Variants in PTPRD observed in about 807,000 individuals in gnomAD.
PTPRD encodes the protein protein tyrosine phosphatase receptor type D.
In PTPRD, 34 loss-of-function variants were observed where a neutral mutation model predicts 214.5. That is an observed-to-expected ratio of 0.16 (90% CI 0.12 to 0.21). The LOEUF (loss-of-function observed/expected upper bound fraction) is 0.21, where lower values mean the gene tolerates loss of function less well. PTPRD is among the 10% of genes least tolerant of loss of function. The pLI, the probability that PTPRD is intolerant of heterozygous loss-of-function variation, is 1.00. For synonymous variants in PTPRD, 1,128 were observed against 845.7 expected, an observed-to-expected ratio of 1.33 and a Z score of -5.79; for missense variants, 2,545 against 2,398.7, an observed-to-expected ratio of 1.06 and a Z score of -1.27.
intron 11 of PTPRD, among the ~76,000 whole-genome samples, chr9:8,862,471 G>C (rs573424682): frequency 6.6e-6 from 1 of 152,156 alleles, no homozygotes; most frequent in Non-Finnish European, 1.5e-5. Flanking sequence ...TAGTTCTATG[G>C]ATTCTACCAG....
intron 7 of PTPRD, among the ~76,000 whole-genome samples, chr9:9,584,727 T>C (rs967024133): frequency 6.6e-6 from 1 of 151,972 alleles, no homozygotes; most frequent in Non-Finnish European, 1.5e-5. Flanking sequence ...TGAATTACCA[T>C]GCACCCTTTA....
In PTPRD at chr9:8,341,274, G is replaced by C. The variant is rs1430230963; in HGVS notation, c.4948-6C>G. On this transcript the variant is annotated splice_polypyrimidine_tract_variant and splice_region_variant and intron_variant, in intron 40 of 45. Transcript: ENST00000381196. ...GCTTTTGAGCTGGCTAGACGCTGTT[G>C]AATAGGAAAAAAAAAAAAGGAAAAA... The C allele has an allele frequency of 1.3e-6, 2 of 1,548,988 alleles. No homozygotes were observed. Among genetic ancestry groups the C allele is most frequent in the Non-Finnish European group, 1.7e-6 (2 of 1,152,450 alleles).
intron 2 of PTPRD, among the ~76,000 whole-genome samples, chr9:10,536,045 T>G (rs142187523): frequency 7.3e-4 from 111 of 152,250 alleles, no homozygotes; most frequent in African/African-American, 2.5e-3. Flanking sequence ...AGCAAACCTC[T>G]TACAGCGGAA....
chr9:9,166,754 G>C (rs797014764), intron 10 of PTPRD, among the ~76,000 whole-genome samples: 5 of 152,116 alleles, frequency 3.3e-5, no homozygotes, highest in African/African-American at 1.2e-4. Flanking sequence ...TGTAAGTTTG[G>C]AGAAGGAGGG....
At chr9:9,543,271 A>G (rs1302275189) in intron 8 of PTPRD, among the ~76,000 whole-genome samples, 1 of 151,682 alleles carries the variant, frequency 6.6e-6, no homozygotes, top group African/African-American at 2.4e-5. Flanking sequence ...TGGGGATGCT[A>G]TTCAGAAAAT....
chr9:10,138,590 A>G (rs1315585512), intron 3 of PTPRD, among the ~76,000 whole-genome samples: 1 of 152,038 alleles, frequency 6.6e-6, no homozygotes, highest in Non-Finnish European at 1.5e-5. Context: ...CTGAAACCAA[A>G]ATCTCACAGA....
At chr9:9,590,127 C>G (rs1371266440) in intron 7 of PTPRD, among the ~76,000 whole-genome samples, 1 of 151,906 alleles carries the variant, frequency 6.6e-6, no homozygotes, top group Non-Finnish European at 1.5e-5. Context: ...CACATTATGC[C>G]CATCACTTAC....
chr9:10,231,353 G>T (rs1056786370), intron 3 of PTPRD, among the ~76,000 whole-genome samples: 2 of 151,844 alleles, frequency 1.3e-5, no homozygotes, highest in Non-Finnish European at 2.9e-5. Context: ...AAAATGGAAG[G>T]GTTTGCAGGA....
chr9:9,658,318 C>G (rs1019605100), intron 7 of PTPRD, among the ~76,000 whole-genome samples: 2 of 152,134 alleles, frequency 1.3e-5, no homozygotes, highest in Admixed American at 6.5e-5. Flanking sequence ...TTATATCCTA[C>G]CCATTTATCT....
chr9:9,945,891 A>G (rs1473777436), intron 4 of PTPRD, among the ~76,000 whole-genome samples: 1 of 152,148 alleles, frequency 6.6e-6, no homozygotes, highest in Non-Finnish European at 1.5e-5. Flanking sequence ...TACCTGAAAT[A>G]TTTTTTAAAA....
chr9:10,109,854 T>A (rs2098674631), intron 3 of PTPRD, among the ~76,000 whole-genome samples: 1 of 152,040 alleles, frequency 6.6e-6, no homozygotes, highest in Admixed American at 6.5e-5. Flanking sequence ...AGGAGACTAT[T>A]TTCAAGAAAG....
chr9:8,831,241 G>C (rs1195630362), intron 11 of PTPRD, among the ~76,000 whole-genome samples: 1 of 152,178 alleles, frequency 6.6e-6, no homozygotes, highest in Non-Finnish European at 1.5e-5. Context: ...ACTTGTTTCA[G>C]ACATTCTCTT....
At chr9:10,449,425 A>T (rs2098822695) in intron 2 of PTPRD, among the ~76,000 whole-genome samples, 1 of 151,628 alleles carries the variant, frequency 6.6e-6, no homozygotes, top group Admixed American at 6.6e-5. Context: ...TTGGCCTCCC[A>T]AAGTACCAAG....
At chr9:9,653,138 C>G (rs1279470366) in intron 7 of PTPRD, among the ~76,000 whole-genome samples, 1 of 147,648 alleles carries the variant, frequency 6.8e-6, no homozygotes, top group African/African-American at 2.6e-5. Context: ...GTCAGGAGAT[C>G]GAGACCATCC....
At chr9:8,809,751 G>A (rs1289617451) in intron 11 of PTPRD, among the ~76,000 whole-genome samples, 4 of 152,322 alleles carry the variant, frequency 2.6e-5, no homozygotes, top group Middle Eastern at 3.4e-3. Flanking sequence ...GAGAGCCAGT[G>A]TTCATTGTAT....
At chr9:10,078,431 G>T (rs1011157294) in intron 3 of PTPRD, among the ~76,000 whole-genome samples, 9 of 146,926 alleles carry the variant, frequency 6.1e-5, no homozygotes, top group African/African-American at 2.3e-4. Context: ...AAGGAGAATT[G>T]CTTGAACCTG....
chr9:8,581,531 G>A (rs1284711196), intron 14 of PTPRD, among the ~76,000 whole-genome samples: 2 of 148,104 alleles, frequency 1.4e-5, no homozygotes, highest in Non-Finnish European at 3.0e-5. Context: ...GGCGGATCAC[G>A]AGGTCAGGAT....
intron 11 of PTPRD, among the ~76,000 whole-genome samples, chr9:8,982,247 T>C (rs2099316544): frequency 6.6e-6 from 1 of 152,026 alleles, no homozygotes; most frequent in Non-Finnish European, 1.5e-5. Flanking sequence ...AATGGCTCAT[T>C]GTAGAAATTA....
intron 35 of PTPRD, 49 bp downstream of exon 35, chr9:8,436,542 GA>G (rs1564798177): frequency 1.4e-6 from 2 of 1,402,566 alleles, no homozygotes; most frequent in South Asian, 2.4e-5. Flanking sequence ...GTCAAAAAAA[GA>G]GAAGAGTAAC....
Sources: gnomAD v4.1 joint callset for allele counts (sites outside exome capture counted in the v4.1 genomes callset) on GRCh38, gnomAD v4.1.1 for gene constraint, MANE v1.5 for transcripts, NCBI Gene and HGNC (gene_info 2026-07-23, HGNC 2026-07-21) for gene names.